CCSER1: variants seen among roughly 807,000 people sequenced by gnomAD.
CCSER1 encodes the protein coiled-coil serine rich protein 1, also known as serine-rich coiled-coil domain-containing protein 1.
Under a neutral mutation model 82.0 loss-of-function variants are expected in CCSER1, and 41 were observed. That is an observed-to-expected ratio of 0.50 (90% CI 0.39 to 0.65). The LOEUF is 0.65. Among genes scored for constraint, CCSER1 ranks in the 30% least tolerant of loss-of-function variants. The pLI is 0.00. For missense variants in CCSER1, 1,119 were observed against 1,064.2 expected, an observed-to-expected ratio of 1.05 and a Z score of -0.72; for synonymous variants, 414 against 383.9, an observed-to-expected ratio of 1.08 and a Z score of -0.92.
chr4:91,473,213 T>C (rs1015966199), intron 10 of CCSER1, among the ~76,000 whole-genome samples: 1 of 152,182 alleles, frequency 6.6e-6, no homozygotes, highest in African/African-American at 2.4e-5. Flanking sequence ...CATTTTTAAC[T>C]AGTGGAAAAA....
At chr4:91,490,805 A>G (rs1758476635) in intron 10 of CCSER1, among the ~76,000 whole-genome samples, 1 of 136,040 alleles carries the variant, frequency 7.4e-6, no homozygotes, top group African/African-American at 2.7e-5. Context: ...TTGAGGTAAT[A>G]GATACCCCAT....
At chr4:90,400,004 GT>G (rs1275844367) in intron 3 of CCSER1, 31 bp from the exon 4 acceptor site, 1 of 1,290,414 alleles carries the variant, frequency 7.7e-7, no homozygotes, top group Admixed American at 1.8e-5. Flanking sequence ...CAGTGTTTTG[GT>G]TTCTAATTGT....
intron 9 of CCSER1, among the ~76,000 whole-genome samples, chr4:90,936,827 T>C (rs1190662280): frequency 6.6e-6 from 1 of 152,206 alleles, no homozygotes; most frequent in Non-Finnish European, 1.5e-5. Context: ...TAATTCTTAG[T>C]CTTAAAGATT....
intron 9 of CCSER1, among the ~76,000 whole-genome samples, chr4:90,949,226 C>T (rs1732620307): frequency 6.6e-6 from 1 of 152,068 alleles, no homozygotes. Context: ...CATTTGATGT[C>T]TGTTTATGTG....
chr4:90,155,937 C>G (rs1262012446), intron 1 of CCSER1, among the ~76,000 whole-genome samples: 4 of 151,730 alleles, frequency 2.6e-5, no homozygotes, highest in Non-Finnish European at 5.9e-5. Context: ...TTTGCTCTTG[C>G]TTTTCTAGTT....
intron 3 of CCSER1, among the ~76,000 whole-genome samples, chr4:90,338,748 A>G (rs1740857680): frequency 6.6e-6 from 1 of 152,250 alleles, no homozygotes; most frequent in African/African-American, 2.4e-5. Flanking sequence ...AGTGAGCTGC[A>G]ATAGTGACAA....
chr4:90,234,048 A>G (rs1745254452), intron 1 of CCSER1, among the ~76,000 whole-genome samples: 1 of 152,202 alleles, frequency 6.6e-6, no homozygotes, highest in African/African-American at 2.4e-5. Flanking sequence ...TCAATGGAAA[A>G]CAAATACTTT....
chr4:90,473,760 G>C (rs1372386476), intron 5 of CCSER1, among the ~76,000 whole-genome samples: 1 of 152,150 alleles, frequency 6.6e-6, no homozygotes, highest in African/African-American at 2.4e-5. Context: ...CACAAACTCT[G>C]TGGTTATATT....
intron 1 of CCSER1, among the ~76,000 whole-genome samples, chr4:90,290,365 C>T (rs1216228363): frequency 6.6e-6 from 1 of 151,704 alleles, no homozygotes; most frequent in African/African-American, 2.4e-5. Context: ...CATAGGATTC[C>T]AATGCCAGTA....
At chr4:90,179,012 A>G (rs1733222598) in intron 1 of CCSER1, among the ~76,000 whole-genome samples, 1 of 152,136 alleles carries the variant, frequency 6.6e-6, no homozygotes, top group Non-Finnish European at 1.5e-5. Flanking sequence ...CACACCATAC[A>G]TCCTCAGGGA....
chr4:90,436,148 T>C (rs1174123466), intron 4 of CCSER1, among the ~76,000 whole-genome samples: 1 of 152,080 alleles, frequency 6.6e-6, no homozygotes, highest in African/African-American at 2.4e-5. Flanking sequence ...GAAAAAATAA[T>C]AGCAATCTTT....
intron 3 of CCSER1, among the ~76,000 whole-genome samples, chr4:90,336,745 G>A (rs1740475260): frequency 6.6e-6 from 1 of 152,124 alleles, no homozygotes; most frequent in African/African-American, 2.4e-5. Context: ...GGTGGTGCGT[G>A]TATACTTTGC....
chr4:90,426,600 A>G (rs919772324), intron 4 of CCSER1, among the ~76,000 whole-genome samples: 1 of 152,198 alleles, frequency 6.6e-6, no homozygotes, highest in Non-Finnish European at 1.5e-5. Context: ...GAGATTTCTT[A>G]GGAATCATGT....
chr4:90,961,287 A>G (rs1285555139), intron 9 of CCSER1, among the ~76,000 whole-genome samples: 1 of 152,088 alleles, frequency 6.6e-6, no homozygotes, highest in African/African-American at 2.4e-5. Context: ...TCCAGTATAG[A>G]CCTTCTAGCT....
chr4:90,569,257 G>A (rs577382553), intron 5 of CCSER1, among the ~76,000 whole-genome samples: 1 of 152,218 alleles, frequency 6.6e-6, no homozygotes, highest in South Asian at 2.1e-4. Flanking sequence ...AACTCTGGTT[G>A]CTCATGGATA....
At chr4:91,470,512 G>A (rs1208530121) in intron 10 of CCSER1, among the ~76,000 whole-genome samples, 4 of 152,066 alleles carry the variant, frequency 2.6e-5, no homozygotes, top group South Asian at 2.1e-4. Flanking sequence ...GGGATGACAC[G>A]TATACTTTGT....
At chr4:90,139,130 A>C (rs1420902631) in intron 1 of CCSER1, among the ~76,000 whole-genome samples, 1 of 152,136 alleles carries the variant, frequency 6.6e-6, no homozygotes, top group Non-Finnish European at 1.5e-5. Context: ...CAGATCTCCA[A>C]CCTGCCTCCT....
intron 6 of CCSER1, among the ~76,000 whole-genome samples, chr4:90,639,241 G>T (rs891608723): frequency 6.0e-5 from 9 of 151,238 alleles, no homozygotes; most frequent in Admixed American, 2.0e-4. Flanking sequence ...AGCATAATGT[G>T]TTGTATTCAT....
intron 10 of CCSER1, among the ~76,000 whole-genome samples, chr4:91,171,808 C>T (rs1732786728): frequency 6.6e-6 from 1 of 151,810 alleles, no homozygotes; most frequent in African/African-American, 2.4e-5. Flanking sequence ...ATTTTGTTAA[C>T]CTATGATTCA....
Sources: gnomAD v4.1 joint callset for allele counts (sites outside exome capture counted in the v4.1 genomes callset) on GRCh38, gnomAD v4.1.1 for gene constraint, MANE v1.5 for transcripts, NCBI Gene and HGNC (gene_info 2026-07-23, HGNC 2026-07-21) for gene names.